Variants in CPA6 observed in about 807,000 individuals in gnomAD.
CPA6 encodes the protein carboxypeptidase A6.
Under a neutral mutation model 63.3 loss-of-function variants are expected in CPA6, and 58 were observed. That is an observed-to-expected ratio of 0.92 (90% CI 0.74 to 1.14). The LOEUF (loss-of-function observed/expected upper bound fraction) is 1.14, where lower values mean the gene tolerates loss of function less well. Among genes scored for constraint, CPA6 ranks in the 50% most tolerant of loss-of-function variants. CPA6 has a pLI of 0.00. For synonymous variants in CPA6, 185 were observed against 179.0 expected, an observed-to-expected ratio of 1.03 and a Z score of -0.27; for missense variants, 565 against 526.6, an observed-to-expected ratio of 1.07 and a Z score of -0.71.
chr8:67,530,543 A>G (rs1197016261), intron 2 of CPA6, among the ~76,000 whole-genome samples: 1 of 152,238 alleles, frequency 6.6e-6, no homozygotes, highest in Non-Finnish European at 1.5e-5. Flanking sequence ...AATAAAATAC[A>G]GCAAACACCC....
At position 67,685,071 on chromosome 8, in the gene CPA6, A is replaced by G. The variant is rs983402248; in HGVS notation, c.117-60820T>C. On this transcript the variant is annotated intron_variant, in intron 1 of 10. Transcript: ENST00000297770. ...GCAGTAGTCCCTATACCTATACTCTATATCAATGGCCCTAAATAGTCTTTC... is the reference window on the plus strand; with the variant it reads ...GCAGTAGTCCCTATACCTATACTCTGTATCAATGGCCCTAAATAGTCTTTC... 5.3e-5 allele frequency among the ~76,000 whole-genome samples: 8 copies of G among 152,238 alleles called. No homozygotes were observed. The East Asian group carries it at 1.2e-3, about 22-fold the overall frequency.
intron 10 of CPA6, among the ~76,000 whole-genome samples, chr8:67,423,749 T>C (rs1809820817): frequency 6.6e-6 from 1 of 152,222 alleles, no homozygotes; most frequent in Non-Finnish European, 1.5e-5. Flanking sequence ...TCTAGTTCTC[T>C]ACTTACTGAA....
intron 2 of CPA6, among the ~76,000 whole-genome samples, chr8:67,594,540 G>T (rs1284140314): frequency 1.3e-5 from 2 of 152,194 alleles, no homozygotes; most frequent in Middle Eastern, 3.4e-3. Context: ...CGCAGATTTG[G>T]TCTTTTCACG....
intron 3 of CPA6, among the ~76,000 whole-genome samples, chr8:67,513,214 C>G (rs1161988909): frequency 6.6e-6 from 1 of 152,094 alleles, no homozygotes; most frequent in East Asian, 1.9e-4. Flanking sequence ...CTTTTTTACC[C>G]TCAAAGTAGG....
At chr8:67,464,908 G>A (rs1563963079) in intron 8 of CPA6, among the ~76,000 whole-genome samples, 1 of 152,250 alleles carries the variant, frequency 6.6e-6, no homozygotes, top group East Asian at 1.9e-4. Context: ...TTTGGTTACT[G>A]TAGCCTCATA....
chr8:67,709,408 C>T (rs62511412), intron 1 of CPA6, among the ~76,000 whole-genome samples: 5,229 of 152,296 alleles, frequency 0.034, 116 homozygotes, highest in Non-Finnish European at 0.046. Context: ...CTCACTCTGC[C>T]TTATGTCCCT....
At chr8:67,554,359 T>A (rs1223496977) in intron 2 of CPA6, among the ~76,000 whole-genome samples, 1 of 151,718 alleles carries the variant, frequency 6.6e-6, no homozygotes, top group Non-Finnish European at 1.5e-5. Context: ...ATAAGAGAGG[T>A]GCTACACAAT....
intron 1 of CPA6, among the ~76,000 whole-genome samples, chr8:67,712,384 C>T (rs1339205430): frequency 6.6e-6 from 1 of 152,134 alleles, no homozygotes; most frequent in East Asian, 1.9e-4. Flanking sequence ...ATCAGCAAAT[C>T]ACATGAATCA....
At chr8:67,700,720 A>G (rs916120674) in intron 1 of CPA6, among the ~76,000 whole-genome samples, 1 of 152,192 alleles carries the variant, frequency 6.6e-6, no homozygotes, top group African/African-American at 2.4e-5. Flanking sequence ...GACTAAACAT[A>G]TTGACAAAAG....
chr8:67,512,419 A>G (rs564728880), intron 3 of CPA6, among the ~76,000 whole-genome samples: 9 of 152,348 alleles, frequency 5.9e-5, no homozygotes, highest in African/African-American at 2.2e-4. Context: ...AAGCGATTTC[A>G]CTGCCTGCCA....
rs529510041 is a variant in CPA6 at position 67,561,643 on chromosome 8, C to G, written c.193-43596G>C. 1.6e-4 allele frequency among the ~76,000 whole-genome samples: 24 copies of G among 152,238 alleles called. No homozygotes were observed. The South Asian group carries it at 5.0e-3, about 32-fold the overall frequency. ...TGTGATTCTGTACTAGATGCTTTTA[C>G]TATAAAGGCCATTATTGGGAGAATT... On this transcript the variant is annotated intron_variant, in intron 2 of 10. Coordinates refer to ENST00000297770, the MANE Select transcript of CPA6 (RefSeq NM_020361.5).
At chr8:67,483,686 T>C (rs770213471) in intron 8 of CPA6, 82 bp downstream of exon 8, 3 of 1,112,170 alleles carry the variant, frequency 2.7e-6, no homozygotes, top group Non-Finnish European at 4.2e-6. Context: ...GAGTCTCCCA[T>C]GAGAGTCCTC....
chr8:67,590,210 G>T (rs1197292583), intron 2 of CPA6, among the ~76,000 whole-genome samples: 1 of 151,992 alleles, frequency 6.6e-6, no homozygotes. Context: ...CCCTACAAAG[G>T]ACATGAACTC....
chr8:67,475,864 TTTC>T (rs1563967832), intron 8 of CPA6, among the ~76,000 whole-genome samples: 1,113 of 99,396 alleles, frequency 0.011, 22 homozygotes, highest in East Asian at 0.015. Context: ...TCTTTCTTTC[TTTC>T]TTTCTTTCTT....
intron 2 of CPA6, among the ~76,000 whole-genome samples, chr8:67,541,221 G>A (rs919039078): frequency 2.6e-5 from 4 of 152,152 alleles, no homozygotes; most frequent in Non-Finnish European, 5.9e-5. Flanking sequence ...AGACCATGGG[G>A]AAAGCACAGT....
chr8:67,563,912 T>A (rs1164532851), intron 2 of CPA6, among the ~76,000 whole-genome samples: 1 of 152,200 alleles, frequency 6.6e-6, no homozygotes, highest in Non-Finnish European at 1.5e-5. Context: ...AGGCTGCAAG[T>A]CTATTCCATA....
chr8:67,571,883 TTAAAC>T (rs1813494777), intron 2 of CPA6, among the ~76,000 whole-genome samples: 1 of 152,052 alleles, frequency 6.6e-6, no homozygotes, highest in East Asian at 1.9e-4. Context: ...GGAAGATTGA[TTAAAC>T]TAAGAGTTGG....
chr8:67,648,258 G>GTTTTT lies in CPA6; in HGVS notation c.117-24012_117-24008dup, dbSNP rs4009129. 1.3e-3 allele frequency among the ~76,000 whole-genome samples: 143 copies of GTTTTT among 113,866 alleles called. 3 individuals carry two copies. The highest frequency in any genetic ancestry group is 4.4e-3 in the South Asian group (14 of 3,196). 74.7% of individuals were successfully genotyped at this position (113,866 alleles called of 152,430 possible). A position where few individuals can be genotyped will look rare whatever the true frequency, so the allele number is the denominator to read the frequency against. On this transcript the variant is annotated intron_variant, in intron 1 of 10. Coordinates refer to ENST00000297770, the MANE Select transcript of CPA6 (RefSeq NM_020361.5). ...ATAGTATTCAAATTTCCTAGATTAG[G>GTTTTT]TTTTTTTTTTTTTTTTTTTTGCTAG...
chr8:67,493,729 G>T (rs922563127), intron 6 of CPA6, among the ~76,000 whole-genome samples: 1 of 152,080 alleles, frequency 6.6e-6, no homozygotes, highest in Admixed American at 6.6e-5. Flanking sequence ...GACAGCAGAC[G>T]AATATTGTGG....
Sources: allele counts gnomAD v4.1 joint callset (sites outside exome capture counted in the v4.1 genomes callset), GRCh38; gene constraint gnomAD v4.1.1; transcripts MANE v1.5; gene names NCBI Gene and HGNC (gene_info 2026-07-23, HGNC 2026-07-21).